The following CFAP70 variants were observed in gnomAD, a reference collection of about 807,000 sequenced individuals.
CFAP70 encodes cilia and flagella associated protein 70.
A neutral mutation model predicts 137.6 loss-of-function variants in CFAP70; 81 were observed. That is an observed-to-expected ratio of 0.59 (90% CI 0.49 to 0.71). The LOEUF (loss-of-function observed/expected upper bound fraction) is 0.71, where lower values mean the gene tolerates loss of function less well. Ranked by LOEUF, CFAP70 falls within the 30% of genes least tolerant of loss-of-function variation. The pLI, the probability that CFAP70 is intolerant of heterozygous loss-of-function variation, is 0.00. For missense variants in CFAP70, 976 were observed against 1,226.7 expected, an observed-to-expected ratio of 0.80 and a Z score of 3.05; for synonymous variants, 382 against 423.6, an observed-to-expected ratio of 0.90 and a Z score of 1.20.
chr10:73,333,814 A>C (rs2052357008), intron 7 of CFAP70, among the ~76,000 whole-genome samples: 1 of 152,224 alleles, frequency 6.6e-6, no homozygotes, highest in Non-Finnish European at 1.5e-5. Flanking sequence ...CATAAGAAAG[A>C]GCATCAGGAA....
chr10:73,344,968 G>A (rs2053584156), intron 5 of CFAP70, 97 bp downstream of exon 6: 10 of 930,356 alleles, frequency 1.1e-5, no homozygotes, highest in Non-Finnish European at 1.2e-5. Flanking sequence ...TATTAGCAGT[G>A]CAATGCTTTG....
At chr10:73,345,096 A>G in exon 5 of CFAP70, 1 of 1,614,178 alleles carries the variant, frequency 6.2e-7, no homozygotes, top group Non-Finnish European at 8.5e-7. Flanking sequence ...CAGACCGACC[A>G]TGTAGTTCTG....
At chr10:73,291,901 G>C (rs2048208273) in exon 17 of CFAP70, 1 of 1,614,038 alleles carries the variant, frequency 6.2e-7, no homozygotes, top group Non-Finnish European at 8.5e-7. Context: ...GACTCTGGTT[G>C]AGGGAAAGGG....
chr10:73,325,525 A>G (rs1407643179), intron 8 of CFAP70, among the ~76,000 whole-genome samples: 4 of 152,360 alleles, frequency 2.6e-5, no homozygotes, highest in Non-Finnish European at 4.4e-5. Context: ...TGCTCCAATT[A>G]AAAGACACAG....
chr10:73,314,750 G>A lies in CFAP70; in HGVS notation c.913-2107C>T, dbSNP rs1317701075. 2.0e-5 allele frequency among the ~76,000 whole-genome samples: 3 copies of A among 151,982 alleles called. No individual in the cohort carries two copies. In the East Asian group the frequency reaches 5.8e-4, roughly 30 times the overall value. On this transcript the variant is annotated intron_variant, in intron 9 of 26. Coordinates refer to ENST00000310715, the Ensembl canonical transcript of CFAP70. ...AGCCTCCTGAGTAGCTGGGACACAG[G>A]CACATGCCACCACCCCAGCTAATTT...
At chr10:73,316,463 G>GATATATATATATATATAGATATAGAT (rs1297883818) in intron 9 of CFAP70, among the ~76,000 whole-genome samples, 4 of 128,150 alleles carry the variant, frequency 3.1e-5, no homozygotes, top group Non-Finnish European at 4.9e-5. Context: ...CCTTTGTTGA[G>GATATATATATATATATAGATATAGAT]ATATATATAT....
chr10:73,294,836 A>C (rs1310317629), intron 15 of CFAP70: 1 of 152,220 alleles, frequency 6.6e-6, no homozygotes, highest in African/African-American at 2.4e-5. Context: ...TCAGTCTCAG[A>C]GAAAGAGGTA....
intron 6 of CFAP70, among the ~76,000 whole-genome samples, chr10:73,339,946 C>T (rs747461760): frequency 6.6e-6 from 1 of 152,232 alleles, no homozygotes; most frequent in African/African-American, 2.4e-5. Flanking sequence ...GTTTGTGTTA[C>T]AGCTCTTTCA....
intron 9 of CFAP70, among the ~76,000 whole-genome samples, chr10:73,318,714 G>T (rs2050600660): frequency 6.6e-6 from 1 of 152,224 alleles, no homozygotes. Context: ...TGCCTGAATG[G>T]GTTATCAAAC....
At chr10:73,300,369 T>C (rs2048858176) in intron 12 of CFAP70, among the ~76,000 whole-genome samples, 1 of 152,140 alleles carries the variant, frequency 6.6e-6, no homozygotes, top group Admixed American at 6.6e-5. Context: ...ACAAAATCTA[T>C]TTTTCTTACT....
chr10:73,322,435 G>C (rs1274684397), intron 9 of CFAP70, among the ~76,000 whole-genome samples: 1 of 151,800 alleles, frequency 6.6e-6, no homozygotes, highest in Non-Finnish European at 1.5e-5. Context: ...TAAATAGCCA[G>C]GCACAGTGGT....
At chr10:73,345,905 T>A (rs7917139) in intron 4 of CFAP70, among the ~76,000 whole-genome samples, 7,294 of 151,864 alleles carry the variant, frequency 0.048, 522 homozygotes, top group African/African-American at 0.16. Context: ...TTTTTAATTT[T>A]ATTTTTTTTT....
At chr10:73,299,035 T>C in exon 14 of CFAP70, 1 of 1,614,070 alleles carries the variant, frequency 6.2e-7, no homozygotes, top group African/African-American at 1.3e-5. Flanking sequence ...TTTCCAAACA[T>C]TCTGTAGTAT....
At chr10:73,264,617 C>A (rs2045579600) in intron 25 of CFAP70, among the ~76,000 whole-genome samples, 2 of 152,114 alleles carry the variant, frequency 1.3e-5, no homozygotes, top group Admixed American at 6.5e-5. Context: ...GAACTGCTAA[C>A]TCATGACTTT....
Position 73,321,274 on chromosome 10 carries a change from C to T in CFAP70, c.912+1689G>A, listed in dbSNP as rs762456800. Among the ~76,000 whole-genome samples, 4 of 151,894 alleles carry T rather than the reference C, an allele frequency of 2.6e-5. No homozygotes were observed. In the South Asian group the frequency reaches 6.2e-4, roughly 24 times the overall value. ...TCTACTAAAGATACAAAAAAATAGC[C>T]GGGCGTGGTAGCATGCACCTGTAAT... On this transcript the variant is annotated intron_variant, in intron 9 of 26. Transcript: ENST00000310715.
chr10:73,260,821 T>C (rs1016052734), intron 25 of CFAP70, among the ~76,000 whole-genome samples: 2 of 152,236 alleles, frequency 1.3e-5, no homozygotes, highest in Admixed American at 1.3e-4. Flanking sequence ...AGTACTCCAT[T>C]GTATAAATAT....
chr10:73,262,639 C>T (rs1160116780), intron 25 of CFAP70, among the ~76,000 whole-genome samples: 2 of 151,918 alleles, frequency 1.3e-5, no homozygotes, highest in Admixed American at 6.6e-5. Context: ...TTTAGTAGCA[C>T]CTGTGGGCTA....
At chr10:73,352,420 C>T (rs1477922548) in intron 3 of CFAP70, among the ~76,000 whole-genome samples, 1 of 152,170 alleles carries the variant, frequency 6.6e-6, no homozygotes, top group Non-Finnish European at 1.5e-5. Flanking sequence ...TATTAGGCTG[C>T]CGCTTTCATA....
At chr10:73,348,570 C>T (rs368605847) in intron 3 of CFAP70, 49 bp from the exon 4 acceptor site, 17 of 1,203,144 alleles carry the variant, frequency 1.4e-5, no homozygotes, top group South Asian at 4.9e-5. Flanking sequence ...CACATCTATC[C>T]GATAACCAAG....
Sources: gnomAD v4.1 joint callset for allele counts (sites outside exome capture counted in the v4.1 genomes callset) on GRCh38, gnomAD v4.1.1 for gene constraint, MANE v1.5 for transcripts, NCBI Gene and HGNC (gene_info 2026-07-23, HGNC 2026-07-21) for gene names.